Variants in EPHA8 observed in about 807,000 individuals in gnomAD.
The protein encoded by EPHA8 is ephrin type-A receptor 8.
Under a neutral mutation model 103.6 loss-of-function variants are expected in EPHA8, and 58 were observed. The observed-to-expected ratio is 0.56, with a 90% CI of 0.45 to 0.70. The LOEUF (loss-of-function observed/expected upper bound fraction) is 0.70. EPHA8 is among the 30% of genes least tolerant of loss of function. EPHA8 has a pLI of 0.00. For synonymous variants in EPHA8, 559 were observed against 572.5 expected (o/e 0.98, Z 0.34); for missense variants, 1,304 against 1,395.2 (o/e 0.93, Z 1.04).
chr1:22,586,537 C>G lies in EPHA8; in HGVS notation c.881C>G (p.Pro294Arg). The G allele has an allele frequency of 6.2e-7, 1 of 1,613,830 alleles. No individual in the cohort carries two copies. The highest frequency in any genetic ancestry group is 1.1e-5 in the South Asian group (1 of 91,062). The change falls in exon 4 of 17, where the codon CCT becomes CGT. Residue 294 changes from proline to arginine, a missense_variant. Physicochemically the swap from Pro to Arg is moderately radical, Grantham distance 103. Coordinates refer to ENST00000166244, the MANE Select transcript of EPHA8 (RefSeq NM_020526.5). ...APGDQLCARC[P>R]PHSHSAAPAA... is the part of the protein sequence containing the mutation. ...GGGGACCAGCTGTGTGCCCGCTGCC[C>G]TCCCCACAGCCACTCCGCAGCTCCA...
At chr1:22,575,762 G>A (rs1640671963) in intron 2 of EPHA8, among the ~76,000 whole-genome samples, 1 of 152,140 alleles carries the variant, frequency 6.6e-6, no homozygotes, top group Non-Finnish European at 1.5e-5. Flanking sequence ...GCGGCTGAAG[G>A]ATTTGAAGTG....
rs113697373 is a variant in EPHA8, at chr1:22,569,388, C to G, written c.159+35C>G. The G allele has an allele frequency of 1.2e-5, 18 of 1,548,838 alleles. No homozygotes were observed. Among genetic ancestry groups the G allele is most frequent in the African/African-American group, 5.5e-5 (4 of 72,858 alleles). ...GGGCACTGGGGACAACGTCATCCCT[C>G]TGTGAGCAGAGAGAGGCTGCCACTC... On this transcript the variant is annotated intron_variant, in intron 2 of 16. Coordinates refer to ENST00000166244, the MANE Select transcript of EPHA8 (RefSeq NM_020526.5). The surrounding 1 kb of genome is among the most constrained non-coding windows in gnomAD (Gnocchi z 4.5).
At chr1:22,570,256 A>T (rs2124511074) in intron 2 of EPHA8, among the ~76,000 whole-genome samples, 1 of 149,216 alleles carries the variant, frequency 6.7e-6, no homozygotes, top group South Asian at 2.1e-4. Context: ...ATGCACACAC[A>T]CGCACGCATG....
Position 22,589,512 on chromosome 1 carries a change from A to G in EPHA8, c.1315+306A>G. 1 of 1,422,788 alleles carries G rather than the reference A, an allele frequency of 7.0e-7. No homozygotes were observed. Among genetic ancestry groups the G allele is most frequent in the African/African-American group, 1.4e-5 (1 of 70,006 alleles). 88.1% of individuals were successfully genotyped at this position (1,422,788 alleles called of 1,614,324 possible). ...TTTCCTCCCTGGTGCAATGGGAATA[A>G]TAGTACCTGCCTGAGGTCCTCTCAG... On this transcript the variant is annotated intron_variant, in intron 5 of 16. Transcript: ENST00000166244. The surrounding 1 kb of genome is among the most constrained non-coding windows in gnomAD (Gnocchi z 4.3).
intron 16 of EPHA8, 42 bp downstream of exon 16, chr1:22,601,515 A>T (rs775819689): frequency 2.7e-3 from 2,980 of 1,109,888 alleles, no homozygotes; most frequent in Non-Finnish European, 3.6e-3. Flanking sequence ...GTGTGGGGGC[A>T]GGGGGGGGGA....
At chr1:22,588,008 C>T (rs1371719513) in intron 4 of EPHA8, among the ~76,000 whole-genome samples, 1 of 152,204 alleles carries the variant, frequency 6.6e-6, no homozygotes, top group Non-Finnish European at 1.5e-5. Flanking sequence ...TGGTTTCTTT[C>T]CAAACCCACA....
At chr1:22,577,914 CGTGA>C (rs1640770340) in intron 3 of EPHA8, among the ~76,000 whole-genome samples, 1 of 20,016 alleles carries the variant, frequency 5.0e-5, no homozygotes. Flanking sequence ...TGTATGTGTG[CGTGA>C]GTGTATGTGT....
chr1:22,596,053 G>A (rs209692), intron 8 of EPHA8, 53 bp from the exon 9 acceptor site: 492,506 of 1,576,216 alleles, frequency 0.31, 79,238 homozygotes, highest in Admixed American at 0.46. Context: ...TTGGGGTCAG[G>A]TCCCGGGCTA....
chr1:22,570,238 A>T (rs1640487309), intron 2 of EPHA8, among the ~76,000 whole-genome samples: 1 of 152,084 alleles, frequency 6.6e-6, no homozygotes, highest in Non-Finnish European at 1.5e-5. Context: ...GTGCTCAGAA[A>T]CACACACATG....
At chr1:22,586,099 C>T (rs1471951717) in intron 3 of EPHA8, among the ~76,000 whole-genome samples, 4 of 152,160 alleles carry the variant, frequency 2.6e-5, no homozygotes, top group Non-Finnish European at 5.9e-5. Context: ...CACGTAAGAA[C>T]CAGTGTCCCA....
chr1:22,581,025 A>G lies in EPHA8; in HGVS notation c.823+4145A>G, dbSNP rs185061559. Among the ~76,000 whole-genome samples the G allele has an allele frequency of 4.6e-3, 696 of 152,360 alleles. 1 individual carries two copies. Among genetic ancestry groups the G allele is most frequent in the African/African-American group, 0.015 (636 of 41,572 alleles). On this transcript the variant is annotated intron_variant, in intron 3 of 16. Coordinates refer to ENST00000166244, the MANE Select transcript of EPHA8 (RefSeq NM_020526.5). The stretch of plus-strand genomic sequence containing the variant: ...TGCTGAGCATCTACTGTGTCCCGGC[A>G]TTGGGGATACAGGTACAGGGAGTCC...
Position 22,586,566 on chromosome 1 carries a change from G to A in EPHA8, c.910G>A (p.Ala304Thr), listed in dbSNP as rs746880859. 24 of 1,613,568 alleles carry A rather than the reference G, an allele frequency of 1.5e-5. No individual in the cohort carries two copies. Among genetic ancestry groups the A allele is most frequent in the East Asian group, 4.5e-5 (2 of 44,886 alleles). ...PPHSHSAAPA[A>T]QACHCDLSYY... The stretch of plus-strand genomic sequence containing the variant: ...CCACAGCCACTCCGCAGCTCCAGCC[G>A]CCCAAGCCTGCCACTGTGACCTCAG... The change falls in exon 4 of 17, where the codon GCC becomes ACC. Residue 304 changes from alanine (A) to threonine (T), a missense_variant. Coordinates refer to ENST00000166244, the MANE Select transcript of EPHA8 (RefSeq NM_020526.5).
intron 3 of EPHA8, 47 bp from the exon 4 acceptor site, chr1:22,586,433 C>T (rs780612087): frequency 6.3e-7 from 1 of 1,597,648 alleles, no homozygotes; most frequent in South Asian, 1.1e-5. Context: ...CCAAGGCCAG[C>T]CAGGGTGGCC....
rs961257266 is a variant in EPHA8 at position 22,598,738 on chromosome 1, C to T, written c.2179-100C>T. On this transcript the variant is annotated intron_variant, in intron 12 of 16. Coordinates refer to ENST00000166244, the MANE Select transcript of EPHA8 (RefSeq NM_020526.5). The surrounding 1 kb of genome is among the most constrained non-coding windows in gnomAD (Gnocchi z 5.1). ...GCGCACTTGGCAAATTGCAAAGCACCGTCTCAACTCGAGAGCATCCTACAG... is the reference window on the plus strand; with the variant it reads ...GCGCACTTGGCAAATTGCAAAGCACTGTCTCAACTCGAGAGCATCCTACAG... The T allele has an allele frequency of 1.1e-5, 14 of 1,226,008 alleles. No homozygotes were observed. The highest frequency in any genetic ancestry group is 5.6e-5 in the South Asian group (4 of 71,474). The allele number at this position is 1,226,008 out of a possible 1,614,324, so 75.9% of individuals were successfully genotyped here.
chr1:22,571,264 G>T (rs1374660241), intron 2 of EPHA8, among the ~76,000 whole-genome samples: 2 of 152,212 alleles, frequency 1.3e-5, no homozygotes, highest in Non-Finnish European at 1.5e-5. Context: ...AACAAATCAG[G>T]CAACTTAGAT....
At chr1:22,595,046 T>C (rs1393371860) in intron 7 of EPHA8, among the ~76,000 whole-genome samples, 184 bp from the exon 8 acceptor site, 1 of 151,996 alleles carries the variant, frequency 6.6e-6, no homozygotes, top group East Asian at 1.9e-4. Flanking sequence ...AGAGGAAGCT[T>C]AGTAGAGGGT....
intron 3 of EPHA8, among the ~76,000 whole-genome samples, chr1:22,578,244 G>GTGTGTATGTGTGCA (rs1640833026): frequency 9.4e-6 from 1 of 106,100 alleles, no homozygotes; most frequent in African/African-American, 4.6e-5. Context: ...ATGTGTGCAT[G>GTGTGTATGTGTGCA]TGTGTGTCTG....
chr1:22,578,367 TGC>T (rs1360382291), intron 3 of EPHA8, among the ~76,000 whole-genome samples: 7 of 147,334 alleles, frequency 4.8e-5, no homozygotes, highest in African/African-American at 1.0e-4. Flanking sequence ...CGTGCATGTG[TGC>T]GTGCTTTAGT....
Position 22,600,870 on chromosome 1 carries a change from G to A in EPHA8, c.2539-28G>A, listed in dbSNP as rs199725413. ...GGAGCCTCAGGGTGCAGGGAGGGAC[G>A]GCTGAGCCCAGCGCTGATCCCCTGC... On this transcript the variant is annotated intron_variant, in intron 14 of 16. Transcript: ENST00000166244. 2.3e-5 allele frequency: 37 copies of A among 1,589,596 alleles called. No individual in the cohort carries two copies. The Middle Eastern group carries it at 5.0e-4, about 22-fold the overall frequency.
Sources: allele counts gnomAD v4.1 joint callset (sites outside exome capture counted in the v4.1 genomes callset), GRCh38; gene constraint gnomAD v4.1.1; non-coding constraint Gnocchi (gnomAD v3.1); transcripts MANE v1.5; gene names NCBI Gene and HGNC (gene_info 2026-07-23, HGNC 2026-07-21).